DOC2B: variants seen among roughly 807,000 people sequenced by gnomAD.
The protein encoded by DOC2B is double C2-like domain-containing protein beta.
In DOC2B, 21 loss-of-function variants were observed where a neutral mutation model predicts 28.9. The ratio of observed to expected loss-of-function variants is 0.73; its 90% confidence interval spans 0.52 to 1.05. The LOEUF (loss-of-function observed/expected upper bound fraction) is 1.05, where lower values mean the gene tolerates loss of function less well. Ranked by LOEUF, DOC2B falls within the 50% of genes least tolerant of loss-of-function variation. DOC2B has a pLI of 0.00. For synonymous variants in DOC2B, 194 were observed against 178.1 expected, an observed-to-expected ratio of 1.09 and a Z score of -0.71; for missense variants, 384 against 421.1, an observed-to-expected ratio of 0.91 and a Z score of 0.77.
chr17:158,411 A>G (rs1467088339), intron 5 of DOC2B, among the ~76,000 whole-genome samples: 1 of 151,992 alleles, frequency 6.6e-6, no homozygotes. Context: ...CCTGCCTAAC[A>G]CCAAAGTGAG....
At chr17:159,107 T>G (rs1184851227) in intron 5 of DOC2B, among the ~76,000 whole-genome samples, 2 of 151,764 alleles carry the variant, frequency 1.3e-5, no homozygotes, top group African/African-American at 2.4e-5. Context: ...GGTGGGACAT[T>G]GTACTTCGGG....
intron 1 of DOC2B, among the ~76,000 whole-genome samples, chr17:176,003 G>A (rs574426587): frequency 2.0e-5 from 3 of 152,154 alleles, no homozygotes; most frequent in Non-Finnish European, 2.9e-5. Context: ...ATAGAAGCTC[G>A]GTCACAGTTT....
At chr17:175,667 G>A (rs1462857175) in intron 1 of DOC2B, among the ~76,000 whole-genome samples, 1 of 152,248 alleles carries the variant, frequency 6.6e-6, no homozygotes, top group African/African-American at 2.4e-5. Context: ...GCTCCCAGGA[G>A]CTGGGATCTG....
intron 6 of DOC2B, among the ~76,000 whole-genome samples, chr17:151,235 A>C (rs1260836362): frequency 1.3e-5 from 2 of 152,190 alleles, no homozygotes; most frequent in Admixed American, 1.3e-4. Flanking sequence ...GCGCCACTGC[A>C]CTTTGGCCTG....
At chr17:160,525 C>T (rs779991603) in intron 5 of DOC2B, among the ~76,000 whole-genome samples, 3 of 152,204 alleles carry the variant, frequency 2.0e-5, no homozygotes, top group Non-Finnish European at 2.9e-5. Flanking sequence ...TGGGGACAGC[C>T]GCCGGGCTCT....
intron 6 of DOC2B, among the ~76,000 whole-genome samples, 169 bp from the exon 7 acceptor site, chr17:149,361 T>C (rs2040048185): frequency 6.6e-6 from 1 of 152,132 alleles, no homozygotes; most frequent in Non-Finnish European, 1.5e-5. Flanking sequence ...AGGCGAGACG[T>C]TGTTTTCGAG....
chr17:178,247 C>T (rs1184782780), intron 1 of DOC2B, among the ~76,000 whole-genome samples: 1 of 152,246 alleles, frequency 6.6e-6, no homozygotes, highest in Non-Finnish European at 1.5e-5. Context: ...CTTGATTTTG[C>T]TCTACAAGGA....
intron 1 of DOC2B, among the ~76,000 whole-genome samples, chr17:173,775 G>A (rs1403190729): frequency 6.6e-6 from 1 of 152,142 alleles, no homozygotes; most frequent in Non-Finnish European, 1.5e-5. Flanking sequence ...CCAACCACAG[G>A]CCAACCAGCA....
rs139074451 is a variant in DOC2B, at chr17:162,489, G to A, written c.529-299C>T. Among the ~76,000 whole-genome samples, 1,031 of 152,292 alleles carry A rather than the reference G, an allele frequency of 6.8e-3. 16 individuals are homozygous for A. The highest frequency in any genetic ancestry group is 0.022 in the African/African-American group (906 of 41,562). On this transcript the variant is annotated intron_variant, in intron 3 of 8. Transcript: ENST00000613549. Reference sequence around the variant, plus strand: ...GGGCCAGAGAGATGCAATGGGGCCCGCTGTGAAGGTGGAGGAAGGGGCCAC... The same window carrying A: ...GGGCCAGAGAGATGCAATGGGGCCCACTGTGAAGGTGGAGGAAGGGGCCAC...
At chr17:179,082 C>A (rs1283406382) in intron 1 of DOC2B, among the ~76,000 whole-genome samples, 1 of 152,246 alleles carries the variant, frequency 6.6e-6, no homozygotes, top group African/African-American at 2.4e-5. Context: ...GGGGCCCAAG[C>A]TGGCCCTAGC....
Position 145,640 on chromosome 17 carries a change from G to A in DOC2B, c.*1801C>T, listed in dbSNP as rs1000212080. The A allele has an allele frequency of 2.0e-5, 3 of 152,424 alleles. No individual in the cohort carries two copies. The highest frequency in any genetic ancestry group is 7.2e-5 in the African/African-American group (3 of 41,446). The allele number at this position is 152,424 out of a possible 1,614,324, so 9.4% of individuals were successfully genotyped here. On this transcript the variant is annotated 3_prime_UTR_variant, in exon 9 of 9. Transcript: ENST00000613549. ...TTGGTAGGATTCAAATCATAACCCT[G>A]GACCTCAGGTGGTGGTGTGCTTTGT... is the stretch of plus-strand genomic sequence containing the variant.
In DOC2B at chr17:143,162, C is replaced by G. The variant is rs1220825514; in HGVS notation, c.*4279G>C. 6.6e-6 allele frequency: 1 copy of G among 152,078 alleles called. No individual in the cohort carries two copies. Among genetic ancestry groups the G allele is most frequent in the Non-Finnish European group, 1.5e-5 (1 of 68,016 alleles). The allele number at this position is 152,078 out of a possible 1,614,324, so 9.4% of individuals were successfully genotyped here. Reference sequence around the variant, plus strand: ...AATCCTGCTTCTGCCATCGACCAGCCGTGTGATTCTGTAAAAGTATTTTAA... The same window carrying G: ...AATCCTGCTTCTGCCATCGACCAGCGGTGTGATTCTGTAAAAGTATTTTAA... On this transcript the variant is annotated 3_prime_UTR_variant, in exon 9 of 9. Transcript: ENST00000613549.
intron 2 of DOC2B, among the ~76,000 whole-genome samples, chr17:166,521 T>C (rs941562541): frequency 6.6e-6 from 1 of 152,234 alleles, no homozygotes; most frequent in African/African-American, 2.4e-5. Flanking sequence ...TCATCTGGAG[T>C]TGTACTCCCA....
In DOC2B at chr17:181,404, G is replaced by A; in HGVS notation, c.76C>T (p.Pro26Ser). The A allele has an allele frequency of 8.5e-7, 1 of 1,180,610 alleles. No individual in the cohort carries two copies. The allele number at this position is 1,180,610 out of a possible 1,614,324, so 73.1% of individuals were successfully genotyped here. ...EHMAIDVCPG[P>S]IRPIKQISDY... ...GAGATCTGCTTGATGGGACGGATGG[G>A]GCCGGGGCACACGTCGATGGCCATA... is the stretch of plus-strand genomic sequence containing the variant. Residue 26 changes from proline (P) to serine (S), a missense_variant, in exon 1 of 9, where the codon CCC becomes TCC. Physicochemically the swap from Pro to Ser is moderately conservative, Grantham distance 74. Transcript: ENST00000613549. The surrounding 1 kb of genome is among the most constrained non-coding windows in gnomAD (Gnocchi z 7.0).
At chr17:180,439 C>A (rs1325288636) in intron 1 of DOC2B, among the ~76,000 whole-genome samples, 1 of 152,140 alleles carries the variant, frequency 6.6e-6, no homozygotes, top group Admixed American at 6.5e-5. Context: ...GCGGGCGTAA[C>A]AGGTGGGCGA....
intron 4 of DOC2B, 109 bp from the exon 5 acceptor site, chr17:161,650 C>T (rs1056295565): frequency 5.4e-5 from 82 of 1,505,570 alleles, no homozygotes; most frequent in Non-Finnish European, 6.9e-5. Context: ...CAAGCCCTGC[C>T]CTGGTCTGGG....
At chr17:172,404 C>T (rs2151473797) in intron 2 of DOC2B, 133 bp downstream of exon 2, 2 of 655,486 alleles carry the variant, frequency 3.1e-6, no homozygotes, top group South Asian at 4.9e-5. Context: ...CTTCCTGGCC[C>T]CGCACCCCAC....
At chr17:175,153 G>A (rs529655844) in intron 1 of DOC2B, among the ~76,000 whole-genome samples, 8 of 152,266 alleles carry the variant, frequency 5.3e-5, no homozygotes, top group Admixed American at 2.6e-4. Flanking sequence ...TGGGAGGACC[G>A]CTTGAGCCCA....
At chr17:170,600 G>C (rs1272139019) in intron 2 of DOC2B, among the ~76,000 whole-genome samples, 2 of 152,182 alleles carry the variant, frequency 1.3e-5, no homozygotes, top group Admixed American at 6.5e-5. Flanking sequence ...GGCACTACTA[G>C]GGAGACTCTA....
Sources: allele counts gnomAD v4.1 joint callset (sites outside exome capture counted in the v4.1 genomes callset), GRCh38; gene constraint gnomAD v4.1.1; non-coding constraint Gnocchi (gnomAD v3.1); transcripts MANE v1.5; gene names NCBI Gene and HGNC (gene_info 2026-07-23, HGNC 2026-07-21).